NLGN1: variants seen among roughly 807,000 people sequenced by gnomAD.
NLGN1 encodes the protein neuroligin 1.
NLGN1 carries 12 observed loss-of-function variants against 65.5 expected under a neutral mutation model. That is an observed-to-expected ratio of 0.18 (90% CI 0.12 to 0.30). NLGN1 has a LOEUF of 0.30. Ranked by LOEUF, NLGN1 falls within the 10% of genes least tolerant of loss-of-function variation. The probability of loss-of-function intolerance (pLI) is 1.00; values close to 1 mark genes in which losing one functional copy is unlikely to be tolerated. For missense variants in NLGN1, 750 were observed against 1,007.1 expected, an observed-to-expected ratio of 0.74 and a Z score of 3.46; for synonymous variants, 350 against 359.5, an observed-to-expected ratio of 0.97 and a Z score of 0.30.
At chr3:174,103,955 A>G (rs1227583587) in intron 4 of NLGN1, among the ~76,000 whole-genome samples, 3 of 151,982 alleles carry the variant, frequency 2.0e-5, no homozygotes, top group Admixed American at 6.6e-5. Context: ...TACTGGCAAC[A>G]TTTCTAGTTT....
rs183933996 is a variant in NLGN1 at position 173,618,482 on chromosome 3, C to T, written c.493+13391C>T. 7.2e-5 allele frequency among the ~76,000 whole-genome samples: 11 copies of T among 152,282 alleles called. No homozygotes were observed. In the East Asian group the frequency reaches 2.1e-3, roughly 29 times the overall value. On this transcript the variant is annotated intron_variant, in intron 3 of 6. Transcript: ENST00000457714. ...AAAGTGCTGGGATTACAGGCATGAG[C>T]CACTATGTCTTTTCTTCTTTTATTA... is the stretch of plus-strand genomic sequence containing the variant.
At chr3:174,249,328 G>A (rs1489996441) in intron 4 of NLGN1, among the ~76,000 whole-genome samples, 1 of 152,116 alleles carries the variant, frequency 6.6e-6, no homozygotes, top group African/African-American at 2.4e-5. Context: ...TGTGGTACCT[G>A]TCACATGCTG....
In NLGN1 at chr3:173,525,234, TTG is replaced by T. The variant is rs1424520816; in HGVS notation, c.-320-79043_-320-79042del. Reference sequence around the variant, plus strand: ...TGTCTGGTCCTGGGTGGGTTTTTTGTTGTTGTTGTTGTTGTTGTTGTTGTTGT... The same window carrying T: ...TGTCTGGTCCTGGGTGGGTTTTTTGTTTGTTGTTGTTGTTGTTGTTGTTGT... On this transcript the variant is annotated intron_variant, in intron 2 of 6. Transcript: ENST00000457714. Among the ~76,000 whole-genome samples, 24 of 46,382 alleles carry T rather than the reference TTG, an allele frequency of 5.2e-4. No homozygotes were observed. The East Asian group carries it at 0.016, about 31-fold the overall frequency. The allele number at this position is 46,382 out of a possible 152,430, so 30.4% of individuals were successfully genotyped here. A position where few individuals can be genotyped will look rare whatever the true frequency, so the allele number is the denominator to read the frequency against.
At chr3:174,137,693 G>T (rs1331724070) in intron 4 of NLGN1, among the ~76,000 whole-genome samples, 1 of 152,102 alleles carries the variant, frequency 6.6e-6, no homozygotes, top group Non-Finnish European at 1.5e-5. Flanking sequence ...AATCAAGACA[G>T]CCATATTAAT....
intron 4 of NLGN1, among the ~76,000 whole-genome samples, chr3:174,055,001 G>A (rs769990639): frequency 5.3e-5 from 8 of 151,880 alleles, no homozygotes; most frequent in Non-Finnish European, 1.0e-4. Flanking sequence ...TTGAGACTTA[G>A]CACTAGAGTC....
At chr3:173,642,848 G>C (rs1166834577) in intron 3 of NLGN1, among the ~76,000 whole-genome samples, 1 of 152,126 alleles carries the variant, frequency 6.6e-6, no homozygotes, top group African/African-American at 2.4e-5. Flanking sequence ...ACTTATGTAT[G>C]ACCCTTTATA....
chr3:173,921,699 G>A (rs746935695), intron 4 of NLGN1, among the ~76,000 whole-genome samples: 1 of 152,064 alleles, frequency 6.6e-6, no homozygotes, highest in African/African-American at 2.4e-5. Flanking sequence ...AACTTGAAAT[G>A]AGCTGAACCC....
rs1743705946 is a variant in NLGN1, at chr3:173,929,703, T to C, written c.646+121871T>C. 1.3e-5 allele frequency among the ~76,000 whole-genome samples: 2 copies of C among 151,450 alleles called. 1 individual carries two copies. Among genetic ancestry groups the C allele is most frequent in the East Asian group, 3.9e-4 (2 of 5,186 alleles). ...TTTTTTTTTTCTTTTTTTCTTTTTT[T>C]CTTTTTTTTTTTCTTTTTGAGACAG... On this transcript the variant is annotated intron_variant, in intron 4 of 6. Transcript: ENST00000457714.
At position 174,264,611 on chromosome 3, in the gene NLGN1, C is replaced by G. The variant is rs555126235; in HGVS notation, c.647-10704C>G. Among the ~76,000 whole-genome samples the G allele has an allele frequency of 8.0e-5, 12 of 149,796 alleles. No individual in the cohort carries two copies. In the East Asian group the frequency reaches 2.5e-3, roughly 31 times the overall value. On this transcript the variant is annotated intron_variant, in intron 4 of 6. Coordinates refer to ENST00000457714, the Ensembl canonical transcript of NLGN1. ...AAATTTTTTTCAAAGTTTTCAACTT[C>G]TTTGCCTTTGGTTTGAATGTCCTCC... is the stretch of plus-strand genomic sequence containing the variant.
intron 4 of NLGN1, among the ~76,000 whole-genome samples, chr3:174,226,081 C>A (rs986496447): frequency 6.6e-6 from 1 of 151,988 alleles, no homozygotes; most frequent in African/African-American, 2.4e-5. Context: ...TAATGGCCAC[C>A]AAGACCAGTT....
intron 2 of NLGN1, among the ~76,000 whole-genome samples, chr3:173,570,465 T>G (rs572570415): frequency 7.3e-4 from 111 of 152,250 alleles, no homozygotes; most frequent in Middle Eastern, 6.8e-3. Context: ...GGCATTTCAT[T>G]AGGAATCCAG....
intron 4 of NLGN1, among the ~76,000 whole-genome samples, chr3:174,206,446 A>G (rs972807004): frequency 2.6e-5 from 4 of 151,952 alleles, no homozygotes; most frequent in Non-Finnish European, 4.4e-5. Context: ...CTCATACTAC[A>G]CCAGGGGGTT....
intron 2 of NLGN1, among the ~76,000 whole-genome samples, chr3:173,498,645 C>G (rs944649435): frequency 1.3e-5 from 2 of 151,776 alleles, no homozygotes; most frequent in African/African-American, 2.4e-5. Context: ...TTCCACAATG[C>G]TTGAACTAGC....
intron 3 of NLGN1, among the ~76,000 whole-genome samples, chr3:173,717,551 A>G (rs1331172565): frequency 6.6e-6 from 1 of 152,160 alleles, no homozygotes; most frequent in Non-Finnish European, 1.5e-5. Flanking sequence ...TAGAGCAAAA[A>G]TTTCACAAAA....
intron 2 of NLGN1, among the ~76,000 whole-genome samples, chr3:173,490,557 A>G (rs1030978339): frequency 2.6e-5 from 4 of 151,936 alleles, no homozygotes; most frequent in East Asian, 1.9e-4. Flanking sequence ...TTTTGGCTTA[A>G]GATTGACTTG....
At chr3:173,628,667 T>C (rs1299226041) in intron 3 of NLGN1, among the ~76,000 whole-genome samples, 1 of 151,874 alleles carries the variant, frequency 6.6e-6, no homozygotes, top group African/African-American at 2.4e-5. Flanking sequence ...CCTAGGAAGC[T>C]GGATGTAATA....
chr3:173,614,018 G>T (rs1577541564), intron 3 of NLGN1, among the ~76,000 whole-genome samples: 1 of 131,740 alleles, frequency 7.6e-6, no homozygotes, highest in African/African-American at 2.9e-5. Context: ...CTTTGGAGTA[G>T]TTATTCCACT....
chr3:174,043,567 G>C (rs1275365045), intron 4 of NLGN1, among the ~76,000 whole-genome samples: 2 of 152,334 alleles, frequency 1.3e-5, no homozygotes, highest in Middle Eastern at 6.8e-3. Flanking sequence ...AAACCTTAAG[G>C]TTCCAGAATG....
intron 3 of NLGN1, among the ~76,000 whole-genome samples, chr3:173,666,569 C>T (rs1761723794): frequency 6.6e-6 from 1 of 152,060 alleles, no homozygotes; most frequent in Non-Finnish European, 1.5e-5. Flanking sequence ...AGGATGTCTC[C>T]TTATAGAAAT....
Sources: allele counts gnomAD v4.1 joint callset (sites outside exome capture counted in the v4.1 genomes callset), GRCh38; gene constraint gnomAD v4.1.1; transcripts MANE v1.5; gene names NCBI Gene and HGNC (gene_info 2026-07-23, HGNC 2026-07-21).